Variants in PGM5 observed in about 807,000 individuals in gnomAD.
PGM5 encodes the protein phosphoglucomutase-like protein 5.
A neutral mutation model predicts 59.2 loss-of-function variants in PGM5; 23 were observed. That is an observed-to-expected ratio of 0.39 (90% confidence interval 0.28 to 0.55). The LOEUF (loss-of-function observed/expected upper bound fraction) is 0.55. Ranked by LOEUF, PGM5 falls within the 20% of genes least tolerant of loss-of-function variation. The probability of loss-of-function intolerance (pLI) is 0.66; values close to 1 mark genes in which losing one functional copy is unlikely to be tolerated. For missense variants in PGM5, 574 were observed against 748.3 expected (o/e 0.77, Z 2.72); for synonymous variants, 214 against 286.0 (o/e 0.75, Z 2.54).
chr9:68,370,827 C>T (rs1302828215), intron 1 of PGM5, among the ~76,000 whole-genome samples: 2 of 152,022 alleles, frequency 1.3e-5, no homozygotes, highest in East Asian at 3.9e-4. Flanking sequence ...TCTTAAGTAA[C>T]GGCATCATGG....
rs892286259 is a variant in PGM5 at position 68,530,909 on chromosome 9, T to C, written c.*1253T>C. On this transcript the variant is annotated 3_prime_UTR_variant, in exon 11 of 11. Transcript: ENST00000396396. ...GAAATGACCTGGTGCACTTTGACTG[T>C]TAAGCAATGCGTTATTGCTGTAGTC... 1 of 152,246 alleles carries C rather than the reference T, an allele frequency of 6.6e-6. No homozygotes were observed. Among genetic ancestry groups the C allele is most frequent in the Non-Finnish European group, 1.5e-5 (1 of 68,050 alleles). 9.4% of individuals were successfully genotyped at this position (152,246 alleles called of 1,614,324 possible). A position where few individuals can be genotyped will look rare whatever the true frequency, so the allele number is the denominator to read the frequency against.
At chr9:68,418,684 G>A (rs1222784516) in intron 6 of PGM5, among the ~76,000 whole-genome samples, 1 of 152,012 alleles carries the variant, frequency 6.6e-6, no homozygotes, top group African/African-American at 2.4e-5. Flanking sequence ...GCCTGTGATG[G>A]CTCCTTCTGA....
At position 68,529,989 on chromosome 9, in the gene PGM5, G is replaced by C. The variant is rs1825055951; in HGVS notation, c.*333G>C. On this transcript the variant is annotated 3_prime_UTR_variant, in exon 11 of 11. Coordinates refer to ENST00000396396, the MANE Select transcript of PGM5 (RefSeq NM_021965.4). ...AACATTTGTGCATCACTTGTGCCAAGTGAGAAAATGTTCTAAAATCACAAG... is the reference window on the plus strand; with the variant it reads ...AACATTTGTGCATCACTTGTGCCAACTGAGAAAATGTTCTAAAATCACAAG... 1 of 207,114 alleles carries C rather than the reference G, an allele frequency of 4.8e-6. No individual in the cohort carries two copies. The highest frequency in any genetic ancestry group is 9.6e-6 in the Non-Finnish European group (1 of 103,910). 12.8% of individuals were successfully genotyped at this position (207,114 alleles called of 1,614,324 possible). A position where few individuals can be genotyped will look rare whatever the true frequency, so the allele number is the denominator to read the frequency against.
intron 1 of PGM5, chr9:68,371,484 AG>A (rs1270574343): frequency 6.6e-6 from 1 of 152,098 alleles, no homozygotes; most frequent in Non-Finnish European, 1.5e-5. Context: ...TAAATGTTGG[AG>A]GGGGTTGTGG....
At chr9:68,398,827 C>G (rs1339167823) in intron 6 of PGM5, 2 of 152,152 alleles carry the variant, frequency 1.3e-5, no homozygotes, top group African/African-American at 4.8e-5. Flanking sequence ...ACCCTCTTCC[C>G]TCTTTTTTGG....
At chr9:68,526,062 A>C (rs932602308) in intron 10 of PGM5, among the ~76,000 whole-genome samples, 1 of 149,504 alleles carries the variant, frequency 6.7e-6, no homozygotes, top group African/African-American at 2.6e-5. Context: ...TCTCAAAAAA[A>C]AAAAAGAAAG....
intron 1 of PGM5, among the ~76,000 whole-genome samples, chr9:68,377,589 A>G (rs1386316748): frequency 6.6e-6 from 1 of 152,172 alleles, no homozygotes; most frequent in Non-Finnish European, 1.5e-5. Context: ...GGCTGCATCC[A>G]TGAATGACCT....
chr9:68,435,773 T>C (rs531556776), intron 6 of PGM5, among the ~76,000 whole-genome samples: 1 of 152,360 alleles, frequency 6.6e-6, no homozygotes, highest in East Asian at 1.9e-4. Flanking sequence ...CTTTTCTCTG[T>C]ATCCTGTATC....
chr9:68,458,550 C>A (rs531777463), intron 6 of PGM5, among the ~76,000 whole-genome samples: 12 of 152,124 alleles, frequency 7.9e-5, no homozygotes, highest in African/African-American at 2.9e-4. Context: ...GTGATAATAT[C>A]GCAACTCTGT....
chr9:68,469,444 G>A (rs1554686090), intron 7 of PGM5, among the ~76,000 whole-genome samples: 1 of 152,164 alleles, frequency 6.6e-6, no homozygotes, highest in Non-Finnish European at 1.5e-5. Flanking sequence ...AGAGCTGCTG[G>A]CATTAGCATG....
At chr9:68,451,841 C>T (rs1823702609) in intron 6 of PGM5, among the ~76,000 whole-genome samples, 1 of 152,180 alleles carries the variant, frequency 6.6e-6, no homozygotes, top group Non-Finnish European at 1.5e-5. Context: ...AGGATGTGCA[C>T]TGTGTAAGGG....
chr9:68,526,259 A>G (rs976838103), intron 10 of PGM5, among the ~76,000 whole-genome samples: 24 of 151,884 alleles, frequency 1.6e-4, no homozygotes, highest in African/African-American at 5.6e-4. Flanking sequence ...CTTCCCAAAC[A>G]CTCATATTTC....
intron 9 of PGM5, among the ~76,000 whole-genome samples, chr9:68,489,688 A>C (rs1824357525): frequency 6.6e-6 from 1 of 151,770 alleles, no homozygotes; most frequent in Non-Finnish European, 1.5e-5. Flanking sequence ...TCTGATCTCA[A>C]ACTCCTGACC....
chr9:68,455,301 A>G (rs991604736), intron 6 of PGM5, among the ~76,000 whole-genome samples: 2 of 152,218 alleles, frequency 1.3e-5, no homozygotes, highest in Non-Finnish European at 2.9e-5. Context: ...TGCTCAGGGC[A>G]TCTCCGCCTG....
chr9:68,523,215 C>A (rs1035124895), intron 10 of PGM5, among the ~76,000 whole-genome samples: 6 of 152,132 alleles, frequency 3.9e-5, no homozygotes, highest in Non-Finnish European at 7.4e-5. Flanking sequence ...GTGATGCAAA[C>A]AATGCAGCCT....
intron 9 of PGM5, among the ~76,000 whole-genome samples, chr9:68,492,964 G>C (rs1824422001): frequency 6.6e-6 from 1 of 152,196 alleles, no homozygotes; most frequent in Non-Finnish European, 1.5e-5. Flanking sequence ...TAAGATCTGA[G>C]TTAGGCTCGC....
chr9:68,372,346 A>G (rs1240659948), intron 1 of PGM5, among the ~76,000 whole-genome samples: 2 of 151,258 alleles, frequency 1.3e-5, no homozygotes, highest in African/African-American at 2.4e-5. Context: ...CATCACTCCA[A>G]TCTTTGCATC....
intron 1 of PGM5, among the ~76,000 whole-genome samples, chr9:68,368,324 A>T (rs537290538): frequency 0.015 from 2,331 of 151,482 alleles, 9 homozygotes; most frequent in Non-Finnish European, 0.025. Flanking sequence ...TTCCAGGCAG[A>T]AATCTACCTT....
chr9:68,454,208 T>G (rs1396432004), intron 6 of PGM5, among the ~76,000 whole-genome samples: 1 of 152,164 alleles, frequency 6.6e-6, no homozygotes, highest in East Asian at 1.9e-4. Context: ...CTTCTGAAGG[T>G]CAAGGTTCCT....
Sources: gnomAD v4.1 joint callset for allele counts (sites outside exome capture counted in the v4.1 genomes callset) on GRCh38, gnomAD v4.1.1 for gene constraint, MANE v1.5 for transcripts, NCBI Gene and HGNC (gene_info 2026-07-23, HGNC 2026-07-21) for gene names.